The following ALG14 variants were observed in gnomAD, a reference collection of about 807,000 sequenced individuals.
ALG14 encodes UDP-N-acetylglucosamine transferase subunit ALG14.
Under a neutral mutation model 22.8 loss-of-function variants are expected in ALG14, and 17 were observed. The observed-to-expected ratio is 0.75, with a 90% CI of 0.51 to 1.12. The LOEUF (loss-of-function observed/expected upper bound fraction) is 1.12, where lower values mean the gene tolerates loss of function less well. Ranked by LOEUF, ALG14 falls within the 50% of genes most tolerant of loss-of-function variation. ALG14 has a pLI of 0.00. For missense variants in ALG14, 288 were observed against 271.8 expected, an observed-to-expected ratio of 1.06 and a Z score of -0.42; for synonymous variants, 89 against 103.7, an observed-to-expected ratio of 0.86 and a Z score of 0.86.
Position 94,983,088 on chromosome 1 carries a change from C to T in ALG14, c.639G>A (p.Gly213=). 7 of 1,614,080 alleles carry T rather than the reference C, an allele frequency of 4.3e-6. No homozygotes were observed. Among genetic ancestry groups the T allele is most frequent in the Non-Finnish European group, 5.9e-6 (7 of 1,179,992 alleles). Residue 213 remains glycine, a synonymous_variant, in exon 4 of 4, where the codon GGG becomes GGA. Transcript: ENST00000370205. ...CAGTTGCCATTTGTCAAACAATTCG[C>T]CCAAGGTACACCGATTTGGGATACT... ...KEKYPKSVYL[G]RIV is the part of the protein sequence containing the mutation.
chr1:95,048,312 C>G (rs562486111), intron 2 of ALG14, among the ~76,000 whole-genome samples: 97 of 152,218 alleles, frequency 6.4e-4, no homozygotes, highest in African/African-American at 2.3e-3. Context: ...ATATGAAAAA[C>G]TCTATATTTT....
Position 94,989,839 on chromosome 1 carries a change from T to C in ALG14, c.421-6533A>G, listed in dbSNP as rs953743962. Among the ~76,000 whole-genome samples the C allele has an allele frequency of 2.6e-5, 4 of 152,222 alleles. No individual in the cohort carries two copies. The South Asian group carries it at 8.3e-4, about 31-fold the overall frequency. On this transcript the variant is annotated intron_variant, in intron 3 of 3. Transcript: ENST00000370205. ...GTTTCAATCAGCCAGAGTAGATTTC[T>C]ATAGTTTGCTATCAAGAACCCTAAC...
At chr1:94,993,912 C>T (rs918627898) in intron 3 of ALG14, among the ~76,000 whole-genome samples, 6 of 152,150 alleles carry the variant, frequency 3.9e-5, no homozygotes, top group Non-Finnish European at 2.9e-5. Context: ...ACAGTCTGCA[C>T]GTTCCATGCA....
chr1:95,050,372 G>C (rs989847174), intron 2 of ALG14, among the ~76,000 whole-genome samples: 10 of 152,160 alleles, frequency 6.6e-5, no homozygotes, highest in African/African-American at 2.4e-4. Context: ...AATTGGGGGA[G>C]AGAGGGGTGC....
intron 2 of ALG14, among the ~76,000 whole-genome samples, chr1:95,063,663 C>A (rs1034129416): frequency 3.9e-5 from 6 of 152,186 alleles, no homozygotes; most frequent in African/African-American, 1.4e-4. Flanking sequence ...GTACAAGTAT[C>A]ACGCTGTTTT....
rs532424093 is a variant in ALG14, at chr1:94,981,224, C to T, written c.*1852G>A. ...AGCCCCTGGTTGTATGATACTAATA[C>T]GCTCTGATACTCCAGGGAAGCAACC... On this transcript the variant is annotated 3_prime_UTR_variant, in exon 4 of 4. Coordinates refer to ENST00000370205, the MANE Select transcript of ALG14 (RefSeq NM_144988.4). The T allele has an allele frequency of 3.9e-4, 60 of 152,254 alleles. No homozygotes were observed. The highest frequency in any genetic ancestry group is 1.7e-3 in the East Asian group (9 of 5,188). 9.4% of individuals were successfully genotyped at this position (152,254 alleles called of 1,614,324 possible). A position where few individuals can be genotyped will look rare whatever the true frequency, so the allele number is the denominator to read the frequency against.
intron 3 of ALG14, among the ~76,000 whole-genome samples, chr1:94,997,266 G>A (rs1672932931): frequency 6.6e-6 from 1 of 152,186 alleles, no homozygotes; most frequent in Admixed American, 6.5e-5. Flanking sequence ...GTGGGGCTCA[G>A]TCTGTCAGTA....
intron 2 of ALG14, 98 bp from the exon 3 acceptor site, chr1:95,027,358 TAATTTA>T (rs546253708): frequency 1.0e-4 from 145 of 1,416,246 alleles, no homozygotes; most frequent in Non-Finnish European, 1.4e-4. Context: ...ATGCTTTCTT[TAATTTA>T]AATTTTCATT....
chr1:95,061,127 C>G (rs1358725926), intron 2 of ALG14, among the ~76,000 whole-genome samples: 2 of 152,148 alleles, frequency 1.3e-5, no homozygotes, highest in African/African-American at 4.8e-5. Flanking sequence ...TTCAGAACCT[C>G]CGGAGGGAGT....
chr1:94,989,408 G>C (rs1672718895), intron 3 of ALG14, among the ~76,000 whole-genome samples: 1 of 152,154 alleles, frequency 6.6e-6, no homozygotes, highest in Non-Finnish European at 1.5e-5. Context: ...CAGAGTATGA[G>C]CTGTGGTTGC....
chr1:95,049,091 A>T (rs571737249), intron 2 of ALG14, among the ~76,000 whole-genome samples: 1 of 152,342 alleles, frequency 6.6e-6, no homozygotes, highest in Admixed American at 6.5e-5. Flanking sequence ...CTAACATTCA[A>T]TTAATAAAAT....
At chr1:95,071,113 C>T (rs1490181561) in intron 1 of ALG14, among the ~76,000 whole-genome samples, 2 of 152,156 alleles carry the variant, frequency 1.3e-5, no homozygotes, top group Non-Finnish European at 2.9e-5. Context: ...GAAGGTTCAG[C>T]GAGGTTAACT....
At chr1:94,986,424 C>T (rs1215023734) in intron 3 of ALG14, among the ~76,000 whole-genome samples, 1 of 152,102 alleles carries the variant, frequency 6.6e-6, no homozygotes, top group East Asian at 1.9e-4. Context: ...CAAACTTGAC[C>T]ATCTGTAATT....
chr1:95,072,906 A>C lies in ALG14; in HGVS notation c.-8T>G. The C allele has an allele frequency of 6.2e-7, 1 of 1,613,696 alleles. No individual in the cohort carries two copies. Among genetic ancestry groups the C allele is most frequent in the South Asian group, 1.1e-5 (1 of 91,070 alleles). Reference sequence around the variant, plus strand: ...AACGAGAACGCACACCATGCAGAGAAACGGCGCATGCGTCCAACTTCCGGG... The same window carrying C: ...AACGAGAACGCACACCATGCAGAGACACGGCGCATGCGTCCAACTTCCGGG... On this transcript the variant is annotated 5_prime_UTR_variant, in exon 1 of 4. Transcript: ENST00000370205.
chr1:95,043,146 T>C (rs1227568534), intron 2 of ALG14, among the ~76,000 whole-genome samples: 2 of 152,196 alleles, frequency 1.3e-5, no homozygotes, highest in Non-Finnish European at 2.9e-5. Flanking sequence ...TTGTTTTCGT[T>C]TAAACTCCCC....
chr1:95,027,620 C>T (rs146612048), intron 2 of ALG14, among the ~76,000 whole-genome samples: 261 of 152,282 alleles, frequency 1.7e-3, no homozygotes, highest in African/African-American at 5.9e-3. Flanking sequence ...CAAAGACAGA[C>T]AGATAACTCC....
intron 3 of ALG14, among the ~76,000 whole-genome samples, chr1:94,986,575 T>C (rs916638399): frequency 6.6e-6 from 1 of 151,972 alleles, no homozygotes; most frequent in African/African-American, 2.4e-5. Flanking sequence ...CTGGTTCACG[T>C]GATTCTCCTG....
At chr1:94,992,375 G>T (rs1432400967) in intron 3 of ALG14, among the ~76,000 whole-genome samples, 3 of 152,068 alleles carry the variant, frequency 2.0e-5, no homozygotes, top group Non-Finnish European at 4.4e-5. Flanking sequence ...AAGGAAATGG[G>T]GTGATATAGA....
At chr1:95,029,147 G>A (rs1042782432) in intron 2 of ALG14, among the ~76,000 whole-genome samples, 3 of 152,198 alleles carry the variant, frequency 2.0e-5, no homozygotes, top group African/African-American at 7.2e-5. Flanking sequence ...GGGTGGCTGG[G>A]GTTGTAGTCA....
Sources: allele counts gnomAD v4.1 joint callset (sites outside exome capture counted in the v4.1 genomes callset), GRCh38; gene constraint gnomAD v4.1.1; transcripts MANE v1.5; gene names NCBI Gene and HGNC (gene_info 2026-07-23, HGNC 2026-07-21).